The following GABRG3 variants were observed in gnomAD, a reference collection of about 807,000 sequenced individuals.
GABRG3 encodes gamma-aminobutyric acid type A receptor subunit gamma3.
GABRG3 carries 25 observed loss-of-function variants against 48.8 expected under a neutral mutation model. That is an observed-to-expected ratio of 0.51 (90% confidence interval 0.37 to 0.72). The LOEUF is 0.72. Among genes scored for constraint, GABRG3 ranks in the 30% least tolerant of loss-of-function variants. GABRG3 has a pLI of 0.00. For missense variants in GABRG3, 394 were observed against 577.9 expected, an observed-to-expected ratio of 0.68 and a Z score of 3.26; for synonymous variants, 227 against 217.6, an observed-to-expected ratio of 1.04 and a Z score of -0.38.
intron 3 of GABRG3, among the ~76,000 whole-genome samples, chr15:27,083,910 G>T (rs1009488171): frequency 6.6e-6 from 1 of 152,170 alleles, no homozygotes. Flanking sequence ...TGCTGTGAAG[G>T]TAAGCTGCCA....
chr15:27,256,153 G>A (rs1890603825), intron 3 of GABRG3, among the ~76,000 whole-genome samples: 1 of 152,094 alleles, frequency 6.6e-6, no homozygotes, highest in Non-Finnish European at 1.5e-5. Flanking sequence ...AGAAAGAAAG[G>A]ACAGAGGGGC....
At chr15:27,445,236 C>T (rs1888909071) in intron 5 of GABRG3, among the ~76,000 whole-genome samples, 1 of 152,198 alleles carries the variant, frequency 6.6e-6, no homozygotes, top group South Asian at 2.1e-4. Flanking sequence ...ACTGCTGGGT[C>T]ATACAGTATC....
At chr15:27,299,597 T>C (rs1892123646) in intron 3 of GABRG3, among the ~76,000 whole-genome samples, 1 of 152,070 alleles carries the variant, frequency 6.6e-6, no homozygotes, top group African/African-American at 2.4e-5. Context: ...TGTTTAAATC[T>C]CCCATTTCCT....
chr15:27,489,324 T>C (rs1251022270), intron 6 of GABRG3, among the ~76,000 whole-genome samples: 1 of 152,222 alleles, frequency 6.6e-6, no homozygotes, highest in Non-Finnish European at 1.5e-5. Flanking sequence ...TTGTGAACTG[T>C]GCTGCAATAA....
At chr15:27,442,872 C>T (rs967492658) in intron 5 of GABRG3, among the ~76,000 whole-genome samples, 3 of 152,210 alleles carry the variant, frequency 2.0e-5, no homozygotes, top group Non-Finnish European at 4.4e-5. Flanking sequence ...GAGGTCAGTG[C>T]ATCAGCTCAG....
intron 2 of GABRG3, among the ~76,000 whole-genome samples, chr15:26,983,634 T>C (rs1432219458): frequency 1.3e-5 from 2 of 151,890 alleles, no homozygotes; most frequent in Admixed American, 6.6e-5. Context: ...AATAGTCAGG[T>C]GTGGTGGCAC....
intron 5 of GABRG3, among the ~76,000 whole-genome samples, chr15:27,477,897 T>C (rs1020209439): frequency 2.0e-5 from 3 of 151,870 alleles, no homozygotes; most frequent in African/African-American, 7.3e-5. Flanking sequence ...AAGATAAAAA[T>C]TAGCTGGGCA....
intron 5 of GABRG3, among the ~76,000 whole-genome samples, chr15:27,330,606 A>G (rs1310031723): frequency 6.6e-6 from 1 of 152,258 alleles, no homozygotes. Flanking sequence ...TTGTGTGCAC[A>G]TGGACTTACA....
At chr15:27,145,980 G>C (rs1041961702) in intron 3 of GABRG3, among the ~76,000 whole-genome samples, 3 of 152,050 alleles carry the variant, frequency 2.0e-5, no homozygotes, top group Non-Finnish European at 4.4e-5. Context: ...AGAAAAAAAA[G>C]ACTGTCACAT....
intron 2 of GABRG3, among the ~76,000 whole-genome samples, chr15:27,003,980 G>A (rs1895519471): frequency 6.7e-6 from 1 of 149,540 alleles, no homozygotes; most frequent in Admixed American, 6.6e-5. Context: ...CGGGCGGGGG[G>A]CTGACCCCCC....
intron 5 of GABRG3, among the ~76,000 whole-genome samples, chr15:27,388,270 G>GAA (rs1566818240): frequency 2.4e-4 from 14 of 58,898 alleles, no homozygotes; most frequent in Admixed American, 5.3e-4. Flanking sequence ...AAGGAGGGAG[G>GAA]GAGGGTAAGG....
intron 3 of GABRG3, among the ~76,000 whole-genome samples, chr15:27,221,141 T>C (rs1352368879): frequency 1.3e-5 from 2 of 152,224 alleles, no homozygotes; most frequent in Admixed American, 6.5e-5. Context: ...ACAAAACAGA[T>C]GATTAAAATC....
rs565488419 is a variant in GABRG3, at chr15:27,430,991, A to G, written c.575-49659A>G. Among the ~76,000 whole-genome samples, 125 of 91,780 alleles carry G rather than the reference A, an allele frequency of 1.4e-3. 1 individual carries two copies. In the East Asian group the frequency reaches 0.033, roughly 24 times the overall value. 60.2% of individuals were successfully genotyped at this position (91,780 alleles called of 152,430 possible). ...GGTGACAGAGCAAGTCCCTGTCTCA[A>G]TAAATAAATAAATAAATAAATAAAT... On this transcript the variant is annotated intron_variant, in intron 5 of 9. Coordinates refer to ENST00000615808, the MANE Select transcript of GABRG3 (RefSeq NM_033223.5).
chr15:27,163,062 C>T (rs1488714581), intron 3 of GABRG3, among the ~76,000 whole-genome samples: 2 of 151,976 alleles, frequency 1.3e-5, no homozygotes, highest in East Asian at 3.9e-4. Context: ...GTCTCAGTGT[C>T]CCATGTGGCT....
At chr15:27,247,713 G>T (rs1165576538) in intron 3 of GABRG3, among the ~76,000 whole-genome samples, 1 of 152,156 alleles carries the variant, frequency 6.6e-6, no homozygotes, top group Non-Finnish European at 1.5e-5. Context: ...GGCTGGGGAG[G>T]CCTCACAATC....
intron 6 of GABRG3, among the ~76,000 whole-genome samples, chr15:27,498,691 C>T (rs540927797): frequency 1.3e-4 from 20 of 152,082 alleles, no homozygotes; most frequent in African/African-American, 2.9e-4. Flanking sequence ...AGGGTTTCAC[C>T]GTGAGGCCAG....
At chr15:27,142,521 AATT>A (rs1395916227) in intron 3 of GABRG3, among the ~76,000 whole-genome samples, 9 of 152,182 alleles carry the variant, frequency 5.9e-5, no homozygotes, top group African/African-American at 1.9e-4. Context: ...CTCATGATTC[AATT>A]ATCTCCTACC....
chr15:27,521,235 T>C (rs1311600711), intron 7 of GABRG3, among the ~76,000 whole-genome samples: 3 of 152,144 alleles, frequency 2.0e-5, no homozygotes, highest in Non-Finnish European at 2.9e-5. Flanking sequence ...AGTCAGATAA[T>C]AAATTTATAG....
chr15:27,500,784 A>G (rs1890604171), intron 6 of GABRG3, among the ~76,000 whole-genome samples: 1 of 151,874 alleles, frequency 6.6e-6, no homozygotes, highest in African/African-American at 2.4e-5. Flanking sequence ...TGCATTCATC[A>G]TATCACTAAG....
Sources: gnomAD v4.1 joint callset for allele counts (sites outside exome capture counted in the v4.1 genomes callset) on GRCh38, gnomAD v4.1.1 for gene constraint, MANE v1.5 for transcripts, NCBI Gene and HGNC (gene_info 2026-07-23, HGNC 2026-07-21) for gene names.